The following RBFOX1 variants were observed in gnomAD, a reference collection of about 807,000 sequenced individuals.
The protein encoded by RBFOX1 is RNA binding protein fox-1 homolog 1.
In RBFOX1, 8 loss-of-function variants were observed where a neutral mutation model predicts 57.7. The observed-to-expected ratio is 0.14, with a 90% CI of 0.08 to 0.25. The LOEUF (loss-of-function observed/expected upper bound fraction) is 0.25. RBFOX1 is among the 10% of genes least tolerant of loss of function. The pLI, the probability that RBFOX1 is intolerant of heterozygous loss-of-function variation, is 1.00. For missense variants in RBFOX1, 611 were observed against 548.5 expected (o/e 1.11, Z -1.14); for synonymous variants, 326 against 222.4 (o/e 1.47, Z -4.15).
intron 1 of RBFOX1, among the ~76,000 whole-genome samples, chr16:6,211,819 C>T (rs986264646): frequency 4.9e-5 from 7 of 142,288 alleles, no homozygotes; most frequent in African/African-American, 1.8e-4. Flanking sequence ...AGGAATACAT[C>T]TTTTATTTAT....
chr16:5,656,332 G>A (rs1456969461), intron 3 of RBFOX1, among the ~76,000 whole-genome samples: 2 of 152,048 alleles, frequency 1.3e-5, no homozygotes, highest in Non-Finnish European at 2.9e-5. Flanking sequence ...CATTAAAATC[G>A]TTATTTTTGT....
intron 3 of RBFOX1, among the ~76,000 whole-genome samples, chr16:6,959,901 A>G (rs1012894537): frequency 3.3e-5 from 5 of 152,130 alleles, no homozygotes. Context: ...GTGCCATTGC[A>G]CTCTAGCCTG....
intron 3 of RBFOX1, among the ~76,000 whole-genome samples, chr16:7,050,571 T>C (rs1481570574): frequency 6.6e-6 from 1 of 152,114 alleles, no homozygotes; most frequent in Admixed American, 6.6e-5. Context: ...TGGCCTTCCT[T>C]CATTTTCTTT....
intron 3 of RBFOX1, among the ~76,000 whole-genome samples, chr16:6,966,304 A>C (rs2084142933): frequency 2.0e-5 from 3 of 152,154 alleles, no homozygotes; most frequent in South Asian, 4.1e-4. Flanking sequence ...ACTGAGGATA[A>C]AATGGGAGTG....
chr16:5,896,507 C>A (rs1407629455), intron 4 of RBFOX1, among the ~76,000 whole-genome samples: 3 of 152,212 alleles, frequency 2.0e-5, no homozygotes, highest in African/African-American at 7.2e-5. Context: ...TGCGTTCCAA[C>A]ATGAGTGGAA....
intron 4 of RBFOX1, among the ~76,000 whole-genome samples, chr16:7,455,104 T>A (rs1487137681): frequency 6.6e-6 from 1 of 152,232 alleles, no homozygotes; most frequent in African/African-American, 2.4e-5. Context: ...CCATTGTATT[T>A]TCTGCCATCT....
chr16:6,024,632 G>A (rs1461826070), intron 1 of RBFOX1, among the ~76,000 whole-genome samples: 1 of 152,154 alleles, frequency 6.6e-6, no homozygotes, highest in Non-Finnish European at 1.5e-5. Context: ...GGGATTACAG[G>A]TGTGCTCTGC....
intron 3 of RBFOX1, among the ~76,000 whole-genome samples, chr16:6,819,791 C>G (rs556596492): frequency 7.7e-5 from 11 of 142,954 alleles, no homozygotes; most frequent in Non-Finnish European, 1.5e-4. Context: ...AAGAAAGGAA[C>G]TTGTTGATTA....
chr16:6,601,154 G>A (rs969735875), intron 2 of RBFOX1, among the ~76,000 whole-genome samples: 1 of 152,154 alleles, frequency 6.6e-6, no homozygotes, highest in Admixed American at 6.5e-5. Context: ...TTAAACTGAA[G>A]AACAGAAAGG....
At chr16:7,190,243 C>T (rs1049459581) in intron 4 of RBFOX1, among the ~76,000 whole-genome samples, 2 of 152,114 alleles carry the variant, frequency 1.3e-5, no homozygotes, top group Non-Finnish European at 2.9e-5. Context: ...CCTGTAATCC[C>T]AGCGACTCGG....
chr16:6,441,681 G>C (rs1241940928), intron 2 of RBFOX1, among the ~76,000 whole-genome samples: 1 of 152,258 alleles, frequency 6.6e-6, no homozygotes, highest in African/African-American at 2.4e-5. Flanking sequence ...GCCTCTCAAA[G>C]TGCTCGGATT....
intron 1 of RBFOX1, among the ~76,000 whole-genome samples, chr16:6,313,173 G>A (rs144095246): frequency 1.8e-3 from 273 of 152,250 alleles, no homozygotes; most frequent in African/African-American, 6.3e-3. Context: ...GCTGGTACCC[G>A]GGACTGGGGG....
intron 3 of RBFOX1, among the ~76,000 whole-genome samples, chr16:7,000,832 G>C (rs2092725284): frequency 6.6e-6 from 1 of 151,908 alleles, no homozygotes; most frequent in Non-Finnish European, 1.5e-5. Context: ...TCGATCTCCT[G>C]ACCTTGTGAT....
intron 1 of RBFOX1, among the ~76,000 whole-genome samples, chr16:6,248,753 T>C (rs1407551952): frequency 6.6e-6 from 1 of 152,138 alleles, no homozygotes; most frequent in African/African-American, 2.4e-5. Context: ...AGCTCTGCCA[T>C]GTATGAGTCA....
chr16:6,348,727 T>G (rs560973051), intron 2 of RBFOX1, among the ~76,000 whole-genome samples: 9 of 152,072 alleles, frequency 5.9e-5, no homozygotes, highest in Middle Eastern at 3.4e-3. Context: ...TCCCGAGAAC[T>G]CTCTCAGGAG....
chr16:6,927,439 A>AAAAAAAAAAC (rs869233820), intron 3 of RBFOX1, among the ~76,000 whole-genome samples: 2 of 149,766 alleles, frequency 1.3e-5, no homozygotes, highest in Admixed American at 6.7e-5. Context: ...AAAAAAAAAA[A>AAAAAAAAAAC]TCCGAACGTC....
chr16:6,813,346 TGC>T (rs2089249165), intron 3 of RBFOX1, among the ~76,000 whole-genome samples: 1 of 152,192 alleles, frequency 6.6e-6, no homozygotes. Context: ...TTCATGTAAC[TGC>T]CTTCAGAAGC....
chr16:7,065,375 T>G (rs2055714899), intron 4 of RBFOX1, among the ~76,000 whole-genome samples: 1 of 152,132 alleles, frequency 6.6e-6, no homozygotes, highest in Non-Finnish European at 1.5e-5. Flanking sequence ...ACACTCCACC[T>G]GCCCACTCGT....
At chr16:5,984,183 T>C (rs557829803) in intron 4 of RBFOX1, among the ~76,000 whole-genome samples, 1 of 65,870 alleles carries the variant, frequency 1.5e-5, no homozygotes, top group African/African-American at 6.4e-5. Flanking sequence ...CCCCTCCCCC[T>C]CCTCCTCTCC....
Sources: gnomAD v4.1 joint callset for allele counts (sites outside exome capture counted in the v4.1 genomes callset) on GRCh38, gnomAD v4.1.1 for gene constraint, MANE v1.5 for transcripts, NCBI Gene and HGNC (gene_info 2026-07-23, HGNC 2026-07-21) for gene names.